Variants in PIEZO2 observed in about 807,000 individuals in gnomAD.
The protein encoded by PIEZO2 is piezo type mechanosensitive ion channel component 2, also known as piezo-type mechanosensitive ion channel component 2.
In PIEZO2, 172 loss-of-function variants were observed where a neutral mutation model predicts 337.3. The ratio of observed to expected loss-of-function variants is 0.51; its 90% CI spans 0.45 to 0.58. PIEZO2 has a LOEUF of 0.58. PIEZO2 is among the 20% of genes least tolerant of loss of function. PIEZO2 has a pLI of 0.00. For synonymous variants in PIEZO2, 1,251 were observed against 1,228.5 expected, an observed-to-expected ratio of 1.02 and a Z score of -0.38; for missense variants, 3,028 against 3,391.3, an observed-to-expected ratio of 0.89 and a Z score of 2.66.
intron 2 of PIEZO2, among the ~76,000 whole-genome samples, chr18:11,015,687 C>T (rs1457645164): frequency 6.6e-6 from 1 of 151,848 alleles, no homozygotes; most frequent in Non-Finnish European, 1.5e-5. Flanking sequence ...GGAAGGGACA[C>T]ATTTCTATGT....
rs115559615 is a variant in PIEZO2 at position 11,021,532 on chromosome 18, C to T, written c.161-41872G>A. 0.02 allele frequency among the ~76,000 whole-genome samples: 3,068 copies of T among 152,232 alleles called. 100 individuals are homozygous for T. The highest frequency in any genetic ancestry group is 0.07 in the African/African-American group (2,906 of 41,516). ...TCTGAGCAGACTCTCCTGCTTCAGC[C>T]GCCAATGGCGTTTAGTCTCCTTGTG... On this transcript the variant is annotated intron_variant, in intron 2 of 55. Coordinates refer to ENST00000674853, the MANE Select transcript of PIEZO2 (RefSeq NM_001378183.1). The surrounding 1 kb of genome is among the most constrained non-coding windows in gnomAD (Gnocchi z 4.7).
chr18:10,958,282 T>C (rs1334645971), intron 3 of PIEZO2, among the ~76,000 whole-genome samples: 1 of 152,174 alleles, frequency 6.6e-6, no homozygotes, highest in Non-Finnish European at 1.5e-5. Context: ...GCTCGCTTTA[T>C]GTGGCATCTA....
At position 10,993,345 on chromosome 18, in the gene PIEZO2, C is replaced by A. The variant is rs374448996; in HGVS notation, c.161-13685G>T. Among the ~76,000 whole-genome samples, 16 of 152,186 alleles carry A rather than the reference C, an allele frequency of 1.1e-4. No homozygotes were observed. In the South Asian group the frequency reaches 2.5e-3, roughly 24 times the overall value. On this transcript the variant is annotated intron_variant, in intron 2 of 55. Coordinates refer to ENST00000674853, the MANE Select transcript of PIEZO2 (RefSeq NM_001378183.1). The surrounding 1 kb of genome is among the most constrained non-coding windows in gnomAD (Gnocchi z 5.0). ...CATTCAGTATGATATTGCCTGTGGG[C>A]CTATCATAAACAGCTCTTATTATTT... is the stretch of plus-strand genomic sequence containing the variant.
At position 10,758,099 on chromosome 18, in the gene PIEZO2, G is replaced by T; in HGVS notation, c.3793C>A (p.Arg1265=). ...TTGTTCTCATCCTCAAAAATCTGCC[G>T]TTGTAAGGAGGCACACAGAAGCAGC... ...FMLLLCASLQ[R]QIFEDENKAA... Residue 1265 remains arginine, a synonymous_variant, in exon 27 of 56, where the codon CGG becomes AGG. Coordinates refer to ENST00000674853, the MANE Select transcript of PIEZO2 (RefSeq NM_001378183.1). The T allele has an allele frequency of 6.5e-7, 1 of 1,537,606 alleles. No individual in the cohort carries two copies. The highest frequency in any genetic ancestry group is 8.7e-7 in the Non-Finnish European group (1 of 1,146,902).
rs1451815555 is a variant in PIEZO2, at chr18:10,855,320, C to T, written c.917+33G>A. On this transcript the variant is annotated intron_variant, in intron 7 of 55. Transcript: ENST00000674853. The surrounding 1 kb of genome is among the most constrained non-coding windows in gnomAD (Gnocchi z 4.9). ...GGTCCCAAAGGCGTGGGGGGACAAC[C>T]TCTCCTGGAAATGCCATAAGGATTT... 44 of 1,499,538 alleles carry T rather than the reference C, an allele frequency of 2.9e-5. No individual in the cohort carries two copies. Among genetic ancestry groups the T allele is most frequent in the Non-Finnish European group, 3.8e-5 (42 of 1,113,190 alleles). 92.9% of individuals were successfully genotyped at this position (1,499,538 alleles called of 1,614,324 possible). A position where few individuals can be genotyped will look rare whatever the true frequency, so the allele number is the denominator to read the frequency against.
chr18:10,951,826 C>T (rs462781), intron 3 of PIEZO2, among the ~76,000 whole-genome samples: 64,311 of 151,952 alleles, frequency 0.42, 14,469 homozygotes, highest in Non-Finnish European at 0.51. Context: ...ATCTATCATT[C>T]CCTGGAGCTA....
rs1567977884 is a variant in PIEZO2 at position 10,715,637 on chromosome 18, C to T, written c.5256+13G>A. ...GTGGGAAGGAGCAAAAAGAATTACA[C>T]CAGCAGTGTTACCTTCTTAATTTCT... On this transcript the variant is annotated intron_variant, in intron 38 of 55. Transcript: ENST00000674853. The T allele has an allele frequency of 6.6e-7, 1 of 1,511,510 alleles. No homozygotes were observed. The highest frequency in any genetic ancestry group is 8.8e-7 in the Non-Finnish European group (1 of 1,136,026). 93.6% of individuals were successfully genotyped at this position (1,511,510 alleles called of 1,614,324 possible).
In PIEZO2 at chr18:11,127,046, C is replaced by T. The variant is rs1197618530; in HGVS notation, c.64+21479G>A. Among the ~76,000 whole-genome samples the T allele has an allele frequency of 2.0e-5, 3 of 152,132 alleles. No individual in the cohort carries two copies. Among genetic ancestry groups the T allele is most frequent in the South Asian group, 2.1e-4 (1 of 4,804 alleles). On this transcript the variant is annotated intron_variant, in intron 1 of 55. Coordinates refer to ENST00000674853, the MANE Select transcript of PIEZO2 (RefSeq NM_001378183.1). The surrounding 1 kb of genome is among the most constrained non-coding windows in gnomAD (Gnocchi z 4.5). ...TGGGAGCTTGTTTTCCTGGAACAAA[C>T]GGTTTAGTTGGAGGAGAGAGAAGGA...
At chr18:10,760,878 A>G (rs1471857881) in intron 24 of PIEZO2, 33 bp downstream of exon 24, 2 of 1,477,488 alleles carry the variant, frequency 1.4e-6, no homozygotes, top group South Asian at 1.2e-5. Context: ...TTCATGGAAA[A>G]GAGAAATAAA....
rs2038028368 is a variant in PIEZO2, at chr18:10,759,472, A to C, written c.3757+10T>G. On this transcript the variant is annotated intron_variant, in intron 26 of 55. Coordinates refer to ENST00000674853, the MANE Select transcript of PIEZO2 (RefSeq NM_001378183.1). The surrounding 1 kb of genome is among the most constrained non-coding windows in gnomAD (Gnocchi z 5.5). ...CCAGCACTCTGTGGCCCTGCAGTGG[A>C]AACACTTACAGACGAGAAACACAGG... is the stretch of plus-strand genomic sequence containing the variant. The C allele has an allele frequency of 1.3e-6, 2 of 1,533,160 alleles. No individual in the cohort carries two copies. The highest frequency in any genetic ancestry group is 2.4e-5 in the South Asian group (2 of 83,952). 95.0% of individuals were successfully genotyped at this position (1,533,160 alleles called of 1,614,324 possible).
At chr18:11,115,689 A>G (rs1184462219) in intron 1 of PIEZO2, among the ~76,000 whole-genome samples, 1 of 152,224 alleles carries the variant, frequency 6.6e-6, no homozygotes, top group Non-Finnish European at 1.5e-5. Context: ...GAAGCATTCT[A>G]TACTTTAAGA....
At chr18:10,812,135 C>T (rs2040213700) in intron 7 of PIEZO2, among the ~76,000 whole-genome samples, 1 of 152,196 alleles carries the variant, frequency 6.6e-6, no homozygotes, top group Non-Finnish European at 1.5e-5. Flanking sequence ...GCCCGGCCAA[C>T]ACTAGTGTTT....
intron 33 of PIEZO2, chr18:10,739,765 G>C (rs943040433): frequency 6.6e-6 from 1 of 152,130 alleles, no homozygotes; most frequent in Non-Finnish European, 1.5e-5. Context: ...TTCTAATCTT[G>C]TGTTTTTCTT....
At chr18:11,140,173 A>T (rs1000404661) in intron 1 of PIEZO2, among the ~76,000 whole-genome samples, 8 of 151,896 alleles carry the variant, frequency 5.3e-5, no homozygotes, top group Non-Finnish European at 1.2e-4. Context: ...CCCTTCAAAA[A>T]TTTTTTTCCC....
chr18:10,792,294 C>T (rs1001049495), intron 13 of PIEZO2, among the ~76,000 whole-genome samples: 1 of 152,168 alleles, frequency 6.6e-6, no homozygotes, highest in Non-Finnish European at 1.5e-5. Context: ...ATATAATTCA[C>T]ATACCATGCA....
intron 7 of PIEZO2, among the ~76,000 whole-genome samples, chr18:10,839,346 T>C (rs182735942): frequency 6.6e-6 from 1 of 152,212 alleles, no homozygotes; most frequent in African/African-American, 2.4e-5. Flanking sequence ...ATTCAGCAAG[T>C]ATTTGCTGTG....
chr18:10,802,080 C>A (rs1352521251), intron 9 of PIEZO2, among the ~76,000 whole-genome samples: 1 of 107,052 alleles, frequency 9.3e-6, no homozygotes, highest in East Asian at 2.4e-4. Context: ...AGCGAGACTC[C>A]GTCTCAAAAA....
rs1233096208 is a variant in PIEZO2 at position 10,856,059 on chromosome 18, GTTTTA to G, written c.704-498_704-494del. On this transcript the variant is annotated intron_variant, in intron 6 of 55. Transcript: ENST00000674853. This position sits in a 1 kb window ranked among gnomAD's most constrained non-coding sequence, Gnocchi z 4.7. ...TGCTTATTTTATTTTATTTTGTTTT[GTTTTA>G]TTTTATTTTATTTTTTGTAGGGATG... Among the ~76,000 whole-genome samples the G allele has an allele frequency of 1.3e-5, 2 of 150,622 alleles. No homozygotes were observed. Among genetic ancestry groups the G allele is most frequent in the African/African-American group, 4.9e-5 (2 of 40,802 alleles).
In PIEZO2 at chr18:10,945,762, A is replaced by G. The variant is rs1029151616; in HGVS notation, c.286+33773T>C. Among the ~76,000 whole-genome samples the G allele has an allele frequency of 6.6e-6, 1 of 152,224 alleles. No homozygotes were observed. Among genetic ancestry groups the G allele is most frequent in the Non-Finnish European group, 1.5e-5 (1 of 68,048 alleles). On this transcript the variant is annotated intron_variant, in intron 3 of 55. Transcript: ENST00000674853. The surrounding 1 kb of genome is among the most constrained non-coding windows in gnomAD (Gnocchi z 4.0). ...TTCAAATTGGAAGGCAAGAAAATAA[A>G]AAGTTATTATAATTGCATTCCATAT...
Sources: gnomAD v4.1 joint callset for allele counts (sites outside exome capture counted in the v4.1 genomes callset) on GRCh38, gnomAD v4.1.1 for gene constraint, Gnocchi (gnomAD v3.1) non-coding constraint, MANE v1.5 for transcripts, NCBI Gene and HGNC (gene_info 2026-07-23, HGNC 2026-07-21) for gene names.